Variants in GPBP1 observed in about 807,000 individuals in gnomAD.
GPBP1 encodes vasculin.
GPBP1 carries 13 observed loss-of-function variants against 56.5 expected under a neutral mutation model. The observed-to-expected ratio is 0.23, with a 90% CI of 0.15 to 0.37. The LOEUF (loss-of-function observed/expected upper bound fraction) is 0.37, where lower values mean the gene tolerates loss of function less well. Among genes scored for constraint, GPBP1 ranks in the 10% least tolerant of loss-of-function variants. GPBP1 has a pLI of 1.00. For missense variants in GPBP1, 477 were observed against 572.3 expected, an observed-to-expected ratio of 0.83 and a Z score of 1.70; for synonymous variants, 204 against 188.9, an observed-to-expected ratio of 1.08 and a Z score of -0.66.
intron 10 of GPBP1, among the ~76,000 whole-genome samples, chr5:57,259,298 T>TA (rs1491470256): frequency 4.6e-5 from 7 of 152,246 alleles, no homozygotes; most frequent in Non-Finnish European, 1.0e-4. Context: ...GATATCATGT[T>TA]ATGTTTTATT....
At chr5:57,212,185 C>T (rs1755517183) in intron 2 of GPBP1, among the ~76,000 whole-genome samples, 2 of 152,068 alleles carry the variant, frequency 1.3e-5, no homozygotes, top group African/African-American at 4.8e-5. Context: ...ACCCCAGCCT[C>T]CCAAAGTGTT....
rs1368226455 is a variant in GPBP1, at chr5:57,175,612, A to G, written c.-846A>G. On this transcript the variant is annotated 5_prime_UTR_variant, in exon 2 of 12. Transcript: ENST00000506184. Reference sequence around the variant, plus strand: ...CTGTGAAGTGAATTGATAGTAGTGAACAATTCAGCAAGCTACTTAAAAAGA... The same window carrying G: ...CTGTGAAGTGAATTGATAGTAGTGAGCAATTCAGCAAGCTACTTAAAAAGA... The G allele has an allele frequency of 2.5e-6, 1 of 397,080 alleles. No homozygotes were observed. Among genetic ancestry groups the G allele is most frequent in the Non-Finnish European group, 4.4e-6 (1 of 225,514 alleles). 24.6% of individuals were successfully genotyped at this position (397,080 alleles called of 1,614,324 possible). A position where few individuals can be genotyped will look rare whatever the true frequency, so the allele number is the denominator to read the frequency against.
At chr5:57,221,263 G>A (rs1300580202) in intron 3 of GPBP1, 2 of 658,144 alleles carry the variant, frequency 3.0e-6, no homozygotes, top group East Asian at 1.0e-4. Context: ...TCATGTATAT[G>A]TAACAAATTT....
At chr5:57,230,442 G>A (rs375088875) in intron 3 of GPBP1, among the ~76,000 whole-genome samples, 1 of 152,044 alleles carries the variant, frequency 6.6e-6, no homozygotes, top group African/African-American at 2.4e-5. Context: ...TAAATTTAAG[G>A]GACTTAGAAC....
intron 9 of GPBP1, among the ~76,000 whole-genome samples, chr5:57,250,548 G>GTT (rs751963720): frequency 2.1e-4 from 28 of 131,646 alleles, no homozygotes; most frequent in South Asian, 4.9e-4. Flanking sequence ...ATGGTTGTTG[G>GTT]TTTTTTTTTT....
chr5:57,230,680 T>A, intron 3 of GPBP1, 166 bp from the exon 4 acceptor site: 1 of 652,022 alleles, frequency 1.5e-6, no homozygotes, highest in Non-Finnish European at 2.7e-6. Context: ...GGACCATCGG[T>A]GAATCCATTA....
intron 11 of GPBP1, among the ~76,000 whole-genome samples, 158 bp from the exon 12 acceptor site, chr5:57,262,436 C>T (rs1580093255): frequency 6.6e-6 from 1 of 152,084 alleles, no homozygotes; most frequent in African/African-American, 2.4e-5. Context: ...AATTATTACT[C>T]ACATCTACTT....
At chr5:57,225,319 C>T (rs1393427967) in intron 3 of GPBP1, among the ~76,000 whole-genome samples, 1 of 146,124 alleles carries the variant, frequency 6.8e-6, no homozygotes, top group Middle Eastern at 3.4e-3. Flanking sequence ...ATGGTGAAAC[C>T]CCGTCTCTAC....
At chr5:57,212,049 G>A (rs1425020376) in intron 2 of GPBP1, among the ~76,000 whole-genome samples, 1 of 151,932 alleles carries the variant, frequency 6.6e-6, no homozygotes, top group Non-Finnish European at 1.5e-5. Flanking sequence ...CGATTTTCCT[G>A]CGTCAGCCCC....
At position 57,231,333 on chromosome 5, in the gene GPBP1, A is replaced by T. The variant is rs776377522; in HGVS notation, c.411+12A>T. The T allele has an allele frequency of 6.3e-7, 1 of 1,595,752 alleles. No individual in the cohort carries two copies. Among genetic ancestry groups the T allele is most frequent in the South Asian group, 1.1e-5 (1 of 89,660 alleles). On this transcript the variant is annotated intron_variant, in intron 5 of 11. Coordinates refer to ENST00000506184, the MANE Select transcript of GPBP1 (RefSeq NM_022913.4). Reference sequence around the variant, plus strand: ...AAGCTGAGGATTTTGTAAGTTTTTTATGACTTTTATACAAATGAAGTTTCT... The same window carrying T: ...AAGCTGAGGATTTTGTAAGTTTTTTTTGACTTTTATACAAATGAAGTTTCT...
At chr5:57,250,451 T>TATGA (rs1741327571) in intron 9 of GPBP1, among the ~76,000 whole-genome samples, 1 of 152,182 alleles carries the variant, frequency 6.6e-6, no homozygotes, top group Non-Finnish European at 1.5e-5. Flanking sequence ...GTTGTATAGA[T>TATGA]ATGAATACTT....
intron 3 of GPBP1, among the ~76,000 whole-genome samples, chr5:57,228,313 G>GGT (rs956075532): frequency 2.0e-5 from 3 of 152,150 alleles, no homozygotes; most frequent in African/African-American, 7.2e-5. Flanking sequence ...AAATTAGCCA[G>GGT]GTGTGGTGGT....
At chr5:57,239,769 C>G (rs576892566) in intron 6 of GPBP1, among the ~76,000 whole-genome samples, 7 of 151,586 alleles carry the variant, frequency 4.6e-5, no homozygotes, top group African/African-American at 1.5e-4. Flanking sequence ...GACAAAGAGA[C>G]ACTCCATCTC....
Position 57,246,328 on chromosome 5 carries a change from T to C in GPBP1, c.507T>C (p.Ala169=). The change falls in exon 7 of 12, where the codon GCT becomes GCC. Residue 169 remains alanine (A), a synonymous_variant. Coordinates refer to ENST00000506184, the MANE Select transcript of GPBP1 (RefSeq NM_022913.4). The part of the protein sequence containing the change: ...WEYPPNPKSR[A]PRMLVIKKGN... ...ATCCTCCGAATCCTAAATCTAGAGC[T>C]CCAAGGATGCTGGTCATTAAGAAAG... The C allele has an allele frequency of 6.2e-7, 1 of 1,613,404 alleles. No homozygotes were observed. Among genetic ancestry groups the C allele is most frequent in the Non-Finnish European group, 8.5e-7 (1 of 1,179,640 alleles).
intron 10 of GPBP1, among the ~76,000 whole-genome samples, chr5:57,259,238 A>T (rs1741788662): frequency 6.6e-6 from 1 of 152,226 alleles, no homozygotes. Flanking sequence ...GCCATCAAGT[A>T]AGCAAGTTAT....
At chr5:57,249,163 A>T (rs1580074029) in intron 8 of GPBP1, 1 of 346,428 alleles carries the variant, frequency 2.9e-6, no homozygotes, top group East Asian at 4.8e-5. Flanking sequence ...AAAATAATAG[A>T]CACCTAATTT....
intron 2 of GPBP1, among the ~76,000 whole-genome samples, chr5:57,178,825 A>G (rs999071060): frequency 6.6e-6 from 1 of 152,154 alleles, no homozygotes; most frequent in Non-Finnish European, 1.5e-5. Context: ...AGAAGTTAAC[A>G]CCACTTTTCC....
chr5:57,196,311 C>T (rs984549447), intron 2 of GPBP1, among the ~76,000 whole-genome samples: 4 of 149,192 alleles, frequency 2.7e-5, no homozygotes, highest in Non-Finnish European at 6.0e-5. Context: ...GCCTCAGAGT[C>T]AAGACTTCTT....
At position 57,196,450 on chromosome 5, in the gene GPBP1, T is replaced by G. The variant is rs143011895; in HGVS notation, c.-57-17624T>G. ...CATTTGGTAATTTCAGGATAAGCAT[T>G]ACCTTAGTGCACCTTTGTTTTCCAC... On this transcript the variant is annotated intron_variant, in intron 2 of 11. Transcript: ENST00000506184. Among the ~76,000 whole-genome samples, 477 of 152,326 alleles carry G rather than the reference T, an allele frequency of 3.1e-3. 4 individuals are homozygous for G. Among genetic ancestry groups the G allele is most frequent in the African/African-American group, 0.011 (456 of 41,574 alleles).
Sources: gnomAD v4.1 joint callset for allele counts (sites outside exome capture counted in the v4.1 genomes callset) on GRCh38, gnomAD v4.1.1 for gene constraint, MANE v1.5 for transcripts, NCBI Gene and HGNC (gene_info 2026-07-23, HGNC 2026-07-21) for gene names.